Variants in MROH2A observed in about 807,000 individuals in gnomAD.
MROH2A encodes maestro heat-like repeat-containing protein family member 2A.
Under a neutral mutation model 200.4 loss-of-function variants are expected in MROH2A, and 174 were observed. The ratio of observed to expected loss-of-function variants is 0.87; its 90% CI spans 0.77 to 0.98. MROH2A has a LOEUF of 0.98. MROH2A is among the 50% of genes least tolerant of loss of function. The pLI, the probability that MROH2A is intolerant of heterozygous loss-of-function variation, is 0.00. For missense variants in MROH2A, 2,045 were observed against 2,139.6 expected, an observed-to-expected ratio of 0.96 and a Z score of 0.87; for synonymous variants, 829 against 840.4, an observed-to-expected ratio of 0.99 and a Z score of 0.23.
chr2:233,780,974 T>C (rs1700929239), intron 3 of MROH2A, among the ~76,000 whole-genome samples: 1 of 152,204 alleles, frequency 6.6e-6, no homozygotes, highest in African/African-American at 2.4e-5. Context: ...CATATATGAG[T>C]GAGAACATGT....
chr2:233,804,039 G>C lies in MROH2A; in HGVS notation c.1750-12G>C. 1 of 1,549,886 alleles carries C rather than the reference G, an allele frequency of 6.5e-7. No homozygotes were observed. The highest frequency in any genetic ancestry group is 1.4e-5 in the African/African-American group (1 of 73,154). On this transcript the variant is annotated splice_polypyrimidine_tract_variant and intron_variant, in intron 16 of 41. Transcript: ENST00000389758. ...TCAGGTGCTACTTCACTGGAGCCTTGGTGCCCTCCAGGTGCTGATGTCATC... is the reference window on the plus strand; with the variant it reads ...TCAGGTGCTACTTCACTGGAGCCTTCGTGCCCTCCAGGTGCTGATGTCATC...
At chr2:233,799,979 C>G in intron 13 of MROH2A, 80 bp downstream of exon 13, 4 of 1,523,772 alleles carry the variant, frequency 2.6e-6, no homozygotes, top group Non-Finnish European at 3.5e-6. Context: ...GAATGCCACT[C>G]AGCGTACCTG....
At chr2:233,821,436 G>A (rs1703930451) in intron 31 of MROH2A, among the ~76,000 whole-genome samples, 1 of 152,122 alleles carries the variant, frequency 6.6e-6, no homozygotes, top group African/African-American at 2.4e-5. Context: ...CCCTGCTCTT[G>A]TGCATTGGTT....
At chr2:233,790,075 G>A in intron 5 of MROH2A, 61 bp downstream of exon 5, 1 of 1,419,148 alleles carries the variant, frequency 7.0e-7, no homozygotes, top group Non-Finnish European at 9.4e-7. Flanking sequence ...GCCTCTCTCT[G>A]CCCCTCCCAT....
In MROH2A at chr2:233,820,085, C is replaced by T; in HGVS notation, c.3512+29C>T. 6.7e-7 allele frequency: 1 copy of T among 1,483,228 alleles called. No homozygotes were observed. The highest frequency in any genetic ancestry group is 9.0e-7 in the Non-Finnish European group (1 of 1,108,468). 91.9% of individuals were successfully genotyped at this position (1,483,228 alleles called of 1,614,324 possible). ...GGTGCCCTGGAGGAGGTGGCCCCGG[C>T]CTCCTGTGCCATTTGACCATGCCCA... On this transcript the variant is annotated intron_variant, in intron 31 of 41. Transcript: ENST00000389758. This position sits in a 1 kb window ranked among gnomAD's most constrained non-coding sequence, Gnocchi z 4.1.
At position 233,796,259 on chromosome 2, in the gene MROH2A, G is replaced by A. The variant is rs1702101720; in HGVS notation, c.1198G>A (p.Glu400Lys). 1 of 1,549,460 alleles carries A rather than the reference G, an allele frequency of 6.5e-7. No homozygotes were observed. Among genetic ancestry groups the A allele is most frequent in the Non-Finnish European group, 8.7e-7 (1 of 1,146,760 alleles). Residue 400 changes from glutamate (E) to lysine (K), a missense_variant, in exon 11 of 42, where the codon GAG becomes AAG. Around this residue, in one of 3 missense-constraint regions of MROH2A, gnomAD observed 831 missense variants for 800.0 expected, o/e 1.04. Transcript: ENST00000389758. Reference sequence around the variant, plus strand: ...CTTCAGCCAGATGGAGACAAACAAGGAGGCCGTCCGCGTGGGGACTCTGAA... The same window carrying A: ...CTTCAGCCAGATGGAGACAAACAAGAAGGCCGTCCGCGTGGGGACTCTGAA... ...FFFSQMETNK[E>K]AVRVGTLNLI... is the part of the protein sequence containing the mutation.
chr2:233,795,911 C>G (rs1389186457), intron 9 of MROH2A, 56 bp from the exon 10 acceptor site: 1 of 1,535,254 alleles, frequency 6.5e-7, no homozygotes, highest in East Asian at 2.5e-5. Context: ...AGCTGGGCTG[C>G]CCCTGCACCT....
At chr2:233,825,246 A>G (rs1704225846) in intron 35 of MROH2A, among the ~76,000 whole-genome samples, 2 of 152,206 alleles carry the variant, frequency 1.3e-5, no homozygotes, top group Non-Finnish European at 2.9e-5. Flanking sequence ...TTTTCTAGAT[A>G]TAGGATCATG....
intron 13 of MROH2A, 129 bp from the exon 14 acceptor site, chr2:233,800,076 C>T (rs1702362682): frequency 5.6e-6 from 6 of 1,069,942 alleles, no homozygotes; most frequent in Non-Finnish European, 8.1e-6. Flanking sequence ...TAGATATATG[C>T]ACAGCTCTGA....
rs528098988 is a variant in MROH2A, at chr2:233,802,320, G to A, written c.1708+5G>A. 3.2e-6 allele frequency: 5 copies of A among 1,548,056 alleles called. No individual in the cohort carries two copies. In the African/African-American group the frequency reaches 4.1e-5, roughly 13 times the overall value. ...TGGCTGGCAAGAGCAGGCAAGGTGG[G>A]CAAAGTTCCTGTCCAGCTGATTGGA... On this transcript the variant is annotated splice_donor_5th_base_variant and intron_variant, in intron 15 of 41. Transcript: ENST00000389758.
Position 233,802,395 on chromosome 2 carries a change from A to C in MROH2A, c.1708+80A>C. ...TCTGGGAATGCCCACCCCTCTCCAC[A>C]TTCCTCCCACCCTCATTCCCCCTTC... On this transcript the variant is annotated intron_variant, in intron 15 of 41. Transcript: ENST00000389758. The C allele has an allele frequency of 2.8e-6, 4 of 1,437,490 alleles. No homozygotes were observed. The South Asian group carries it at 4.2e-5, about 15-fold the overall frequency. The allele number at this position is 1,437,490 out of a possible 1,614,324, so 89.0% of individuals were successfully genotyped here.
intron 12 of MROH2A, 24 bp from the exon 13 acceptor site, chr2:233,799,756 A>T: frequency 6.5e-7 from 1 of 1,550,082 alleles, no homozygotes; most frequent in African/African-American, 1.4e-5. Context: ...AACCCCCAGC[A>T]TGTCCACGGT....
Position 233,822,526 on chromosome 2 carries a change from C to T in MROH2A, c.3836C>T (p.Thr1279Ile), listed in dbSNP as rs1704016440. Reference sequence around the variant, plus strand: ...AAGATGTGGAAGCTGGTCCACACCACTCCTCTGCCGGAGGAGATGAACCTG... The same window carrying T: ...AAGATGTGGAAGCTGGTCCACACCATTCCTCTGCCGGAGGAGATGAACCTG... ...VLKMWKLVHT[T>I]PLPEEMNLQR... Residue 1279 changes from threonine to isoleucine, a missense_variant, in exon 33 of 42, where the codon ACT (threonine) becomes ATT (isoleucine). Transcript: ENST00000389758. 1 of 1,550,278 alleles carries T rather than the reference C, an allele frequency of 6.5e-7. No homozygotes were observed. Among genetic ancestry groups the T allele is most frequent in the African/African-American group, 1.4e-5 (1 of 73,066 alleles).
At chr2:233,794,337 G>T in intron 7 of MROH2A, 26 bp from the exon 8 acceptor site, 3 of 1,517,822 alleles carry the variant, frequency 2.0e-6, no homozygotes, top group Non-Finnish European at 2.7e-6. Flanking sequence ...GAGACAATGC[G>T]TCCCAGAGCT....
chr2:233,819,742 G>A (rs1481632720), intron 30 of MROH2A, among the ~76,000 whole-genome samples, 160 bp from the exon 31 acceptor site: 1 of 152,218 alleles, frequency 6.6e-6, no homozygotes, highest in Non-Finnish European at 1.5e-5. Flanking sequence ...AAATGAGTTT[G>A]AGGCAGAGAC....
Position 233,795,878 on chromosome 2 carries a change from C to T in MROH2A, c.1060-89C>T, listed in dbSNP as rs1372427367. On this transcript the variant is annotated intron_variant, in intron 9 of 41. Transcript: ENST00000389758. ...CCTGATGGGGTATGAGGCTGTGGTG[C>T]CCATGCAGCCCCAGGTATGGTCAGC... The T allele has an allele frequency of 2.0e-6, 3 of 1,526,452 alleles. No individual in the cohort carries two copies. In the African/African-American group the frequency reaches 4.1e-5, roughly 21 times the overall value. 94.6% of individuals were successfully genotyped at this position (1,526,452 alleles called of 1,614,324 possible).
At chr2:233,823,156 A>T (rs373530218) in intron 34 of MROH2A, 138 bp downstream of exon 34, 1 of 895,204 alleles carries the variant, frequency 1.1e-6, no homozygotes, top group Non-Finnish European at 1.7e-6. Context: ...CCAACCTGTG[A>T]CTCTAGGATG....
intron 3 of MROH2A, among the ~76,000 whole-genome samples, chr2:233,786,622 T>C (rs997183635): frequency 6.6e-6 from 1 of 152,202 alleles, no homozygotes; most frequent in Admixed American, 6.5e-5. Flanking sequence ...AGCATGCTGA[T>C]GGACAACTTG....
At chr2:233,808,989 A>T in intron 21 of MROH2A, 137 bp from the exon 22 acceptor site, 1 of 878,594 alleles carries the variant, frequency 1.1e-6, no homozygotes. Flanking sequence ...TGAACATTTC[A>T]GGCACCCAGA....
Sources: gnomAD v4.1 joint callset for allele counts (sites outside exome capture counted in the v4.1 genomes callset) on GRCh38, gnomAD v4.1.1 for gene constraint, gnomAD v4.1.1 regional missense constraint, Gnocchi (gnomAD v3.1) non-coding constraint, MANE v1.5 for transcripts, NCBI Gene and HGNC (gene_info 2026-07-23, HGNC 2026-07-21) for gene names.